SMIM35: variants seen among roughly 807,000 people sequenced by gnomAD.
SMIM35 encodes the protein TMPRSS4 antisense RNA 1 (non-protein coding).
intron 1 of SMIM35, among the ~76,000 whole-genome samples, chr11:118,035,725 A>G (rs539886573): frequency 1.4e-3 from 208 of 152,320 alleles, no homozygotes; most frequent in African/African-American, 4.8e-3. Flanking sequence ...GTCACAGCCC[A>G]GAAATGACTG....
intron 1 of SMIM35, among the ~76,000 whole-genome samples, chr11:118,020,002 G>C: frequency 6.6e-6 from 1 of 152,250 alleles, no homozygotes; most frequent in East Asian, 1.9e-4. Flanking sequence ...GGTGTCTCAC[G>C]CCTGTAATCC....
At chr11:118,029,054 A>G in intron 1 of SMIM35, 1 of 331,892 alleles carries the variant, frequency 3.0e-6, no homozygotes. Context: ...AGACAAATAG[A>G]ATGTCTGCAC....
chr11:118,031,475 G>A (rs2058319127), intron 1 of SMIM35, among the ~76,000 whole-genome samples: 1 of 152,160 alleles, frequency 6.6e-6, no homozygotes, highest in Non-Finnish European at 1.5e-5. Context: ...CATGTCAAAT[G>A]ACATATAAGC....
intron 1 of SMIM35, among the ~76,000 whole-genome samples, chr11:118,058,656 G>C (rs988988419): frequency 1.3e-5 from 2 of 152,216 alleles, no homozygotes; most frequent in African/African-American, 4.8e-5. Context: ...AGGAGGGGCA[G>C]TGCAGACTGG....
intron 1 of SMIM35, among the ~76,000 whole-genome samples, chr11:118,064,018 C>A (rs1341005978): frequency 6.6e-6 from 1 of 152,216 alleles, no homozygotes; most frequent in African/African-American, 2.4e-5. Flanking sequence ...AGATTTGTAA[C>A]TGGTGGGAAG....
intron 1 of SMIM35, among the ~76,000 whole-genome samples, chr11:118,059,964 A>G (rs1158352988): frequency 6.6e-6 from 1 of 152,152 alleles, no homozygotes; most frequent in East Asian, 1.9e-4. Flanking sequence ...AATGATTAGC[A>G]TTTTATCTCA....
chr11:118,076,177 C>G (rs1420575823), intron 1 of SMIM35, among the ~76,000 whole-genome samples: 3 of 152,222 alleles, frequency 2.0e-5, no homozygotes, highest in Non-Finnish European at 2.9e-5. Context: ...GAGGCTGAGG[C>G]AGGAGAATCA....
At chr11:118,068,806 C>T (rs1274340538) in intron 1 of SMIM35, among the ~76,000 whole-genome samples, 1 of 152,226 alleles carries the variant, frequency 6.6e-6, no homozygotes, top group Non-Finnish European at 1.5e-5. Context: ...TGTCTGCATT[C>T]TCGGCCACCC....
intron 1 of SMIM35, among the ~76,000 whole-genome samples, chr11:118,075,874 C>A (rs552299429): frequency 3.7e-4 from 56 of 152,330 alleles, no homozygotes; most frequent in African/African-American, 1.3e-3. Context: ...TTATCCAAGT[C>A]TCTCCCAGCA....
rs188867653 is a variant in SMIM35, at chr11:118,059,985, C to G, written c.7+26766G>C. ...TAGCATTTTATCTCATAGCCTTGAG[C>G]CTGGGAGTGAGTGGAGGCTGTACTG... On this transcript the variant is annotated intron_variant, in intron 1 of 4. Coordinates refer to ENST00000689828, the MANE Select transcript of SMIM35 (RefSeq NM_001394165.1). Among the ~76,000 whole-genome samples the G allele has an allele frequency of 4.6e-5, 7 of 152,344 alleles. No homozygotes were observed. The East Asian group carries it at 1.4e-3, about 29-fold the overall frequency.
intron 1 of SMIM35, among the ~76,000 whole-genome samples, chr11:118,064,669 G>A (rs1944442345): frequency 6.6e-6 from 1 of 151,616 alleles, no homozygotes; most frequent in Non-Finnish European, 1.5e-5. Flanking sequence ...ATTGAGACAG[G>A]TTCTCGCTTT....
At chr11:118,027,055 C>G (rs183236476) in intron 1 of SMIM35, among the ~76,000 whole-genome samples, 2,972 of 115,488 alleles carry the variant, frequency 0.026, 20 homozygotes, top group East Asian at 0.12. Flanking sequence ...GAGTCTCGCT[C>G]TGTCGCCCAG....
At chr11:118,013,421 C>T (rs1223700401) in intron 4 of SMIM35, among the ~76,000 whole-genome samples, 2 of 152,090 alleles carry the variant, frequency 1.3e-5, no homozygotes, top group African/African-American at 2.4e-5. Flanking sequence ...GAGATATTGG[C>T]CATCTGGAAA....
chr11:118,051,239 G>A (rs1217274362), intron 1 of SMIM35, among the ~76,000 whole-genome samples: 1 of 152,216 alleles, frequency 6.6e-6, no homozygotes, highest in Non-Finnish European at 1.5e-5. Context: ...AACAAAGGCT[G>A]ACATCCTGAA....
intron 1 of SMIM35, among the ~76,000 whole-genome samples, chr11:118,051,304 C>G (rs751674950): frequency 3.3e-4 from 50 of 152,342 alleles, no homozygotes; most frequent in Admixed American, 7.2e-4. Flanking sequence ...ACCCCTGGGT[C>G]TCCCACAAGC....
At chr11:118,031,223 T>A (rs1056567432) in intron 1 of SMIM35, among the ~76,000 whole-genome samples, 2 of 152,144 alleles carry the variant, frequency 1.3e-5, no homozygotes, top group South Asian at 4.1e-4. Flanking sequence ...GAAACGGACA[T>A]AGACCTGTAT....
intron 1 of SMIM35, chr11:118,077,167 C>T: frequency 9.2e-7 from 1 of 1,086,312 alleles, no homozygotes; most frequent in Non-Finnish European, 1.3e-6. Flanking sequence ...GCACTCGGGC[C>T]TCCTCCAGCC....
At chr11:118,015,621 G>A (rs747194233) in intron 2 of SMIM35, 72 bp downstream of exon 2, 16 of 398,982 alleles carry the variant, frequency 4.0e-5, no homozygotes, top group Non-Finnish European at 6.6e-5. Flanking sequence ...CAGCCCTGCC[G>A]GGCATTGCCA....
chr11:118,074,176 C>T (rs1944616237), intron 1 of SMIM35, among the ~76,000 whole-genome samples: 2 of 152,142 alleles, frequency 1.3e-5, no homozygotes, highest in Non-Finnish European at 1.5e-5. Flanking sequence ...TTCCCAGGGC[C>T]CTGGAAGGAA....
Sources: allele counts gnomAD v4.1 joint callset (sites outside exome capture counted in the v4.1 genomes callset), GRCh38; gene constraint gnomAD v4.1.1; transcripts MANE v1.5; gene names NCBI Gene and HGNC (gene_info 2026-07-23, HGNC 2026-07-21).